CRPPA: variants seen among roughly 807,000 people sequenced by gnomAD.
CRPPA encodes D-ribitol-5-phosphate cytidylyltransferase.
In CRPPA, 43 loss-of-function variants were observed where a neutral mutation model predicts 52.0. That is an observed-to-expected ratio of 0.83 (90% confidence interval 0.65 to 1.07). The LOEUF is 1.07. Ranked by LOEUF, CRPPA falls within the 50% of genes least tolerant of loss-of-function variation. The pLI is 0.00. For synonymous variants in CRPPA, 250 were observed against 203.5 expected, an observed-to-expected ratio of 1.23 and a Z score of -1.94; for missense variants, 629 against 551.7, an observed-to-expected ratio of 1.14 and a Z score of -1.40.
intron 6 of CRPPA, 38 bp from the exon 7 acceptor site, chr7:16,259,050 T>C (rs764470709): frequency 2.2e-6 from 3 of 1,375,640 alleles, no homozygotes; most frequent in Non-Finnish European, 3.1e-6. Context: ...ACAAATTAGA[T>C]AGACCAAACA....
intron 5 of CRPPA, among the ~76,000 whole-genome samples, chr7:16,286,899 A>G (rs2128419949): frequency 6.6e-6 from 1 of 152,312 alleles, no homozygotes. Flanking sequence ...AGAAATCTAT[A>G]TGTAATACAA....
chr7:16,210,372 A>T (rs1256139361), intron 9 of CRPPA: 1 of 152,104 alleles, frequency 6.6e-6, no homozygotes, highest in African/African-American at 2.4e-5. Flanking sequence ...GTGTGGGTGG[A>T]GCATAGTGAT....
intron 1 of CRPPA, among the ~76,000 whole-genome samples, chr7:16,420,708 C>T (rs144253549): frequency 7.9e-5 from 12 of 152,328 alleles, no homozygotes; most frequent in Admixed American, 4.6e-4. Flanking sequence ...GGAGGCAGAG[C>T]CCCAGGACCG....
intron 9 of CRPPA, among the ~76,000 whole-genome samples, chr7:16,181,108 T>C (rs1348021585): frequency 6.6e-6 from 1 of 151,968 alleles, no homozygotes; most frequent in African/African-American, 2.4e-5. Flanking sequence ...CGTTTTTATC[T>C]CTACTACAGT....
chr7:16,320,553 T>C (rs1487205855), intron 3 of CRPPA, among the ~76,000 whole-genome samples: 2 of 152,150 alleles, frequency 1.3e-5, no homozygotes, highest in African/African-American at 4.8e-5. Flanking sequence ...CAGTATTATT[T>C]CTGCTAGGCA....
chr7:16,302,295 C>CAAAA (rs34666735), intron 4 of CRPPA, among the ~76,000 whole-genome samples: 597 of 53,310 alleles, frequency 0.011, 111 homozygotes, highest in African/African-American at 0.032. Context: ...GACTCTGTCT[C>CAAAA]AAAAAAAAAA....
chr7:16,376,327 A>T lies in CRPPA; in HGVS notation c.535-86T>A, dbSNP rs915090682. ...GAATTCAGTATCTCACTTTTGACAGATCTTATTCATACCTTCAACAAGCTA... is the reference window on the plus strand; with the variant it reads ...GAATTCAGTATCTCACTTTTGACAGTTCTTATTCATACCTTCAACAAGCTA... On this transcript the variant is annotated intron_variant, in intron 2 of 9. Transcript: ENST00000407010. 4 of 1,301,604 alleles carry T rather than the reference A, an allele frequency of 3.1e-6. No homozygotes were observed. In the South Asian group the frequency reaches 6.2e-5, roughly 20 times the overall value. 80.6% of individuals were successfully genotyped at this position (1,301,604 alleles called of 1,614,324 possible).
At chr7:16,128,197 C>G (rs1015252260) in intron 9 of CRPPA, among the ~76,000 whole-genome samples, 1 of 152,040 alleles carries the variant, frequency 6.6e-6, no homozygotes, top group African/African-American at 2.4e-5. Context: ...ATGGGATAAT[C>G]TGTACAGCAA....
At chr7:16,155,721 C>T (rs545527007) in intron 9 of CRPPA, among the ~76,000 whole-genome samples, 1 of 152,134 alleles carries the variant, frequency 6.6e-6, no homozygotes, top group Non-Finnish European at 1.5e-5. Context: ...GGCTTGCATT[C>T]AACATTATGC....
rs73306416 is a variant in CRPPA at position 16,356,224 on chromosome 7, T to C, written c.684+19868A>G. The stretch of plus-strand genomic sequence containing the variant: ...AAAATTATTAACATGTAAGTTGTGT[T>C]AATTTTTCTATCTCTACATACTTCC... On this transcript the variant is annotated intron_variant, in intron 3 of 9. Transcript: ENST00000407010. 2.7e-3 allele frequency among the ~76,000 whole-genome samples: 410 copies of C among 152,350 alleles called. 1 individual carries two copies. The highest frequency in any genetic ancestry group is 9.6e-3 in the African/African-American group (399 of 41,584).
At chr7:16,306,266 A>T (rs1784909550) in intron 4 of CRPPA, among the ~76,000 whole-genome samples, 1 of 152,234 alleles carries the variant, frequency 6.6e-6, no homozygotes, top group Non-Finnish European at 1.5e-5. Flanking sequence ...TTTAGAGGAC[A>T]GTTGAACCCA....
intron 3 of CRPPA, 104 bp from the exon 4 acceptor site, chr7:16,308,731 G>T: frequency 1.4e-6 from 1 of 698,988 alleles, no homozygotes; most frequent in Non-Finnish European, 2.5e-6. Flanking sequence ...AGGGCCTAGG[G>T]GGCTCAAACT....
intron 3 of CRPPA, among the ~76,000 whole-genome samples, chr7:16,364,230 G>T (rs12699785): frequency 0.54 from 82,180 of 151,994 alleles, 22,332 homozygotes; most frequent in South Asian, 0.67. Flanking sequence ...TACCCAAAAG[G>T]TCATAATAAT....
chr7:16,371,267 A>G (rs1562659370), intron 3 of CRPPA, among the ~76,000 whole-genome samples: 1 of 152,174 alleles, frequency 6.6e-6, no homozygotes, highest in Non-Finnish European at 1.5e-5. Flanking sequence ...CAACTCAGTA[A>G]ATAAAATACT....
At chr7:16,375,655 T>C (rs937811530) in intron 3 of CRPPA, among the ~76,000 whole-genome samples, 103 of 152,150 alleles carry the variant, frequency 6.8e-4, no homozygotes, top group African/African-American at 2.4e-3. Flanking sequence ...GCCTAGACTG[T>C]TGGTATCAAC....
At chr7:16,182,024 C>T (rs942804618) in intron 9 of CRPPA, among the ~76,000 whole-genome samples, 21 of 151,628 alleles carry the variant, frequency 1.4e-4, no homozygotes, top group Admixed American at 3.3e-4. Context: ...ATTTATAAAC[C>T]TAATATGTAA....
rs77633548 is a variant in CRPPA at position 16,327,165 on chromosome 7, C to T, written c.685-18538G>A. Among the ~76,000 whole-genome samples, 398 of 152,216 alleles carry T rather than the reference C, an allele frequency of 2.6e-3. 16 individuals carry two copies. The East Asian group carries it at 0.058, about 22-fold the overall frequency. On this transcript the variant is annotated intron_variant, in intron 3 of 9. Coordinates refer to ENST00000407010, the MANE Select transcript of CRPPA (RefSeq NM_001101426.4). ...ACAGTTCTTTTGCTTTCTCTTTTCT[C>T]AAGAATGGAGATATCTTCAACTCAC...
At chr7:16,242,347 T>A (rs1271653099) in intron 8 of CRPPA, among the ~76,000 whole-genome samples, 2 of 152,162 alleles carry the variant, frequency 1.3e-5, no homozygotes, top group Non-Finnish European at 2.9e-5. Context: ...TTCCTTTTTC[T>A]AAGAATGTTT....
At chr7:16,241,977 G>GC (rs1783126316) in intron 8 of CRPPA, among the ~76,000 whole-genome samples, 1 of 130,910 alleles carries the variant, frequency 7.6e-6, no homozygotes, top group Non-Finnish European at 1.6e-5. Flanking sequence ...TTGTTGGGGG[G>GC]AGATAGAGTC....
Sources: allele counts gnomAD v4.1 joint callset (sites outside exome capture counted in the v4.1 genomes callset), GRCh38; gene constraint gnomAD v4.1.1; transcripts MANE v1.5; gene names NCBI Gene and HGNC (gene_info 2026-07-23, HGNC 2026-07-21).